Variants in PRKCA observed in about 807,000 individuals in gnomAD.
PRKCA encodes the protein protein kinase C alpha type.
A neutral mutation model predicts 87.0 loss-of-function variants in PRKCA; 27 were observed. The observed-to-expected ratio is 0.31, with a 90% confidence interval of 0.23 to 0.43. The LOEUF is 0.43. Ranked by LOEUF, PRKCA falls within the 20% of genes least tolerant of loss-of-function variation. The pLI, the probability that PRKCA is intolerant of heterozygous loss-of-function variation, is 1.00. For missense variants in PRKCA, 518 were observed against 852.3 expected (o/e 0.61, Z 4.88); for synonymous variants, 329 against 311.1 (o/e 1.06, Z -0.61).
intron 13 of PRKCA, among the ~76,000 whole-genome samples, chr17:66,758,546 T>C (rs913271279): frequency 1.3e-5 from 2 of 152,154 alleles, no homozygotes; most frequent in Non-Finnish European, 2.9e-5. Context: ...TTTGGCAAGG[T>C]GAAGAGAATA....
At chr17:66,750,274 T>C (rs1276569122) in intron 13 of PRKCA, among the ~76,000 whole-genome samples, 2 of 152,042 alleles carry the variant, frequency 1.3e-5, no homozygotes, top group East Asian at 1.9e-4. Flanking sequence ...AGAAACAGAA[T>C]GATAAACCAA....
intron 5 of PRKCA, among the ~76,000 whole-genome samples, chr17:66,652,662 C>T (rs978723249): frequency 2.4e-4 from 37 of 152,314 alleles, no homozygotes; most frequent in Non-Finnish European, 4.0e-4. Flanking sequence ...TAGGTGTTCA[C>T]TGTACTGTTC....
At chr17:66,455,310 A>T (rs916729854) in intron 2 of PRKCA, among the ~76,000 whole-genome samples, 4 of 152,170 alleles carry the variant, frequency 2.6e-5, no homozygotes, top group Non-Finnish European at 5.9e-5. Flanking sequence ...ATGTGCTTGA[A>T]AAAATAAAGG....
chr17:66,607,374 ACT>A (rs1970240108), intron 3 of PRKCA, among the ~76,000 whole-genome samples: 1 of 152,220 alleles, frequency 6.6e-6, no homozygotes, highest in African/African-American at 2.4e-5. Flanking sequence ...CAAGCCATGA[ACT>A]GCCTTTTAAA....
chr17:66,401,725 C>T (rs575996946), intron 2 of PRKCA, among the ~76,000 whole-genome samples: 4 of 152,074 alleles, frequency 2.6e-5, no homozygotes, highest in Admixed American at 1.3e-4. Flanking sequence ...AGCCATATGC[C>T]GGTTAAGTGT....
chr17:66,785,995 AT>A (rs1292138685), intron 14 of PRKCA, among the ~76,000 whole-genome samples: 1 of 152,004 alleles, frequency 6.6e-6, no homozygotes. Flanking sequence ...TGCCCGGCTA[AT>A]TTTTTGTATT....
intron 3 of PRKCA, among the ~76,000 whole-genome samples, chr17:66,609,514 C>A (rs1005488306): frequency 6.6e-6 from 1 of 152,162 alleles, no homozygotes. Flanking sequence ...TCTGACTTAA[C>A]CTTCTAAAGC....
chr17:66,649,558 G>C (rs745887524), intron 5 of PRKCA, among the ~76,000 whole-genome samples: 3 of 152,216 alleles, frequency 2.0e-5, no homozygotes, highest in Non-Finnish European at 2.9e-5. Flanking sequence ...AAGTGATGTA[G>C]TTGGGGCCGC....
intron 1 of PRKCA, among the ~76,000 whole-genome samples, 191 bp downstream of exon 1, chr17:66,303,215 C>A (rs1904611562): frequency 6.6e-6 from 1 of 152,040 alleles, no homozygotes; most frequent in Admixed American, 6.5e-5. Flanking sequence ...CGGGACGTCG[C>A]CGTCCCGCCA....
intron 3 of PRKCA, among the ~76,000 whole-genome samples, chr17:66,503,330 G>GTTA (rs1916831184): frequency 6.6e-6 from 1 of 152,146 alleles, no homozygotes; most frequent in Non-Finnish European, 1.5e-5. Flanking sequence ...GACTTCGCAG[G>GTTA]TTATTGCTCT....
At chr17:66,336,248 A>T (rs1906654476) in intron 2 of PRKCA, among the ~76,000 whole-genome samples, 1 of 152,326 alleles carries the variant, frequency 6.6e-6, no homozygotes, top group East Asian at 1.9e-4. Flanking sequence ...ATTATATTAT[A>T]CTTCTCTCAC....
chr17:66,729,242 A>C (rs1567999780), intron 8 of PRKCA, among the ~76,000 whole-genome samples: 1 of 152,036 alleles, frequency 6.6e-6, no homozygotes, highest in Non-Finnish European at 1.5e-5. Context: ...TATCTACTAA[A>C]AATAAAAAAA....
chr17:66,707,635 A>C (rs1307455422), intron 8 of PRKCA, among the ~76,000 whole-genome samples: 1 of 152,186 alleles, frequency 6.6e-6, no homozygotes, highest in African/African-American at 2.4e-5. Context: ...TAACTGGTGG[A>C]TGCTGCATCT....
intron 13 of PRKCA, among the ~76,000 whole-genome samples, chr17:66,757,722 T>C (rs7223519): frequency 0.079 from 12,024 of 152,100 alleles, 528 homozygotes; most frequent in African/African-American, 0.11. Context: ...AAGAATTTTT[T>C]TTGTTTTTTG....
intron 2 of PRKCA, among the ~76,000 whole-genome samples, chr17:66,395,920 CT>C (rs1314598666): frequency 3.9e-5 from 6 of 152,040 alleles, no homozygotes; most frequent in Non-Finnish European, 7.4e-5. Flanking sequence ...CAGGTTCCTT[CT>C]TTTTCACTCT....
chr17:66,541,403 C>G (rs1375373804), intron 3 of PRKCA, among the ~76,000 whole-genome samples: 1 of 152,256 alleles, frequency 6.6e-6, no homozygotes. Context: ...GAGGCTTAGC[C>G]CCTTTATTGT....
intron 2 of PRKCA, among the ~76,000 whole-genome samples, chr17:66,450,859 G>A (rs1914275069): frequency 6.6e-6 from 1 of 152,238 alleles, no homozygotes; most frequent in African/African-American, 2.4e-5. Flanking sequence ...GATGCGATTA[G>A]TAAAACATTT....
chr17:66,584,679 C>T (rs1421283425), intron 3 of PRKCA, among the ~76,000 whole-genome samples: 4 of 152,140 alleles, frequency 2.6e-5, no homozygotes, highest in African/African-American at 9.7e-5. Context: ...TTCTGTTGTT[C>T]CTCACCCTGT....
chr17:66,451,912 C>T (rs1281072548), intron 2 of PRKCA, among the ~76,000 whole-genome samples: 2 of 152,208 alleles, frequency 1.3e-5, no homozygotes, highest in Non-Finnish European at 2.9e-5. Flanking sequence ...TCTTTTGCTC[C>T]TGGCAAATCC....
Sources: gnomAD v4.1 joint callset for allele counts (sites outside exome capture counted in the v4.1 genomes callset) on GRCh38, gnomAD v4.1.1 for gene constraint, MANE v1.5 for transcripts, NCBI Gene and HGNC (gene_info 2026-07-23, HGNC 2026-07-21) for gene names.